The following CAMK1D variants were observed in gnomAD, a reference collection of about 807,000 sequenced individuals.
CAMK1D encodes the protein calcium/calmodulin dependent protein kinase ID.
Under a neutral mutation model 47.7 loss-of-function variants are expected in CAMK1D, and 9 were observed. The ratio of observed to expected loss-of-function variants is 0.19; its 90% CI spans 0.11 to 0.33. The LOEUF is 0.33. Among genes scored for constraint, CAMK1D ranks in the 10% least tolerant of loss-of-function variants. The pLI, the probability that CAMK1D is intolerant of heterozygous loss-of-function variation, is 1.00. For missense variants in CAMK1D, 291 were observed against 488.7 expected (o/e 0.60, Z 3.81); for synonymous variants, 184 against 184.9 (o/e 0.99, Z 0.04).
At chr10:12,368,098 A>G (rs1350354274) in intron 1 of CAMK1D, among the ~76,000 whole-genome samples, 5 of 151,910 alleles carry the variant, frequency 3.3e-5, no homozygotes, top group Non-Finnish European at 7.4e-5. Flanking sequence ...AGGCTGAGGC[A>G]GGAGAATGGC....
At chr10:12,711,353 G>A (rs978928051) in intron 3 of CAMK1D, among the ~76,000 whole-genome samples, 1 of 152,164 alleles carries the variant, frequency 6.6e-6, no homozygotes, top group Admixed American at 6.5e-5. Context: ...GCATTTAAAG[G>A]CAAAGGAAAT....
At chr10:12,730,096 G>T (rs1445628831) in intron 3 of CAMK1D, among the ~76,000 whole-genome samples, 1 of 152,176 alleles carries the variant, frequency 6.6e-6, no homozygotes, top group Non-Finnish European at 1.5e-5. Context: ...ACAGTAGGGG[G>T]CAGTGGTGAA....
At chr10:12,760,899 C>G (rs1239461357) in intron 3 of CAMK1D, 49 bp from the exon 4 acceptor site, 1 of 1,573,366 alleles carries the variant, frequency 6.4e-7, no homozygotes, top group African/African-American at 1.4e-5. Context: ...GCTTTCCCTT[C>G]ACAATTCAAC....
chr10:12,454,238 C>A (rs1057358261), intron 1 of CAMK1D, among the ~76,000 whole-genome samples: 2 of 152,244 alleles, frequency 1.3e-5, no homozygotes, highest in Non-Finnish European at 2.9e-5. Context: ...TTTCAGCTCA[C>A]TGCAACCTCC....
At chr10:12,790,902 G>A (rs1837949786) in intron 5 of CAMK1D, among the ~76,000 whole-genome samples, 1 of 151,948 alleles carries the variant, frequency 6.6e-6, no homozygotes, top group Non-Finnish European at 1.5e-5. Flanking sequence ...AGGCTGAGGT[G>A]GGAGGTTTGC....
At chr10:12,695,059 G>GATAC (rs1554811978) in intron 3 of CAMK1D, among the ~76,000 whole-genome samples, 3 of 130,452 alleles carry the variant, frequency 2.3e-5, no homozygotes, top group African/African-American at 5.4e-5. Context: ...TAGATAGATA[G>GATAC]ATAGATACAT....
chr10:12,552,650 G>A (rs577732191), intron 1 of CAMK1D, among the ~76,000 whole-genome samples: 3 of 152,288 alleles, frequency 2.0e-5, no homozygotes, highest in South Asian at 4.1e-4. Context: ...AAGTGGTACC[G>A]GGAGGTGGCC....
chr10:12,575,567 G>T (rs1837466934), intron 2 of CAMK1D, among the ~76,000 whole-genome samples: 1 of 152,166 alleles, frequency 6.6e-6, no homozygotes, highest in Admixed American at 6.5e-5. Flanking sequence ...TCCAAAGTGG[G>T]TAGACAAGAT....
Position 12,832,552 on chromosome 10 carries a change from G to A in CAMK1D, c.*3665G>A, listed in dbSNP as rs1395660965. On this transcript the variant is annotated 3_prime_UTR_variant, in exon 11 of 11. Transcript: ENST00000619168. ...AGTTCCTCCTACCCCTGCCTCTGTC[G>A]GAGACTAGAAAACATTCTACCCCTT... 2.0e-5 allele frequency: 3 copies of A among 152,120 alleles called. No homozygotes were observed. The highest frequency in any genetic ancestry group is 2.9e-5 in the Non-Finnish European group (2 of 68,042). The allele number at this position is 152,120 out of a possible 1,614,324, so 9.4% of individuals were successfully genotyped here. A position where few individuals can be genotyped will look rare whatever the true frequency, so the allele number is the denominator to read the frequency against.
At chr10:12,760,839 A>C in intron 3 of CAMK1D, 109 bp from the exon 4 acceptor site, 2 of 1,234,392 alleles carry the variant, frequency 1.6e-6, no homozygotes, top group Non-Finnish European at 1.2e-6. Context: ...TCTCAATCTG[A>C]AGATGGATTC....
chr10:12,672,286 A>T lies in CAMK1D; in HGVS notation c.299+5476A>T, dbSNP rs189084655. On this transcript the variant is annotated intron_variant, in intron 3 of 10. Transcript: ENST00000619168. ...AGTGGGGATGATGTTCATTTTTTTTAATGGCTTGTGCTTTTTGTGTCCTGT... is the reference window on the plus strand; with the variant it reads ...AGTGGGGATGATGTTCATTTTTTTTTATGGCTTGTGCTTTTTGTGTCCTGT... Among the ~76,000 whole-genome samples, 524 of 151,924 alleles carry T rather than the reference A, an allele frequency of 3.4e-3. 4 individuals carry two copies. In the Middle Eastern group the frequency reaches 0.037, roughly 11 times the overall value.
At chr10:12,350,950 C>T (rs180850120) in intron 1 of CAMK1D, among the ~76,000 whole-genome samples, 24 of 151,968 alleles carry the variant, frequency 1.6e-4, no homozygotes, top group Non-Finnish European at 2.9e-4. Flanking sequence ...GGAGCTATTT[C>T]ATGGGATAAA....
intron 4 of CAMK1D, among the ~76,000 whole-genome samples, chr10:12,768,962 A>G (rs1255315980): frequency 1.3e-5 from 2 of 152,240 alleles, no homozygotes; most frequent in Admixed American, 1.3e-4. Context: ...CACGGGGGCC[A>G]TAAGAAATGG....
At chr10:12,780,648 T>G (rs1837453656) in intron 5 of CAMK1D, among the ~76,000 whole-genome samples, 2 of 152,242 alleles carry the variant, frequency 1.3e-5, no homozygotes, top group African/African-American at 4.8e-5. Context: ...CTCCTCGATG[T>G]GGTTGCTCCC....
chr10:12,437,733 C>T (rs1439396373), intron 1 of CAMK1D, among the ~76,000 whole-genome samples: 1 of 152,146 alleles, frequency 6.6e-6, no homozygotes, highest in African/African-American at 2.4e-5. Context: ...TGGATTTGGA[C>T]AAATAGCTAA....
chr10:12,758,132 G>A (rs1054551260), intron 3 of CAMK1D, among the ~76,000 whole-genome samples: 11 of 152,042 alleles, frequency 7.2e-5, no homozygotes, highest in African/African-American at 2.2e-4. Context: ...TTACAGGCAT[G>A]AGCCACCACA....
At chr10:12,429,285 G>A (rs1840359834) in intron 1 of CAMK1D, among the ~76,000 whole-genome samples, 1 of 151,996 alleles carries the variant, frequency 6.6e-6, no homozygotes, top group Non-Finnish European at 1.5e-5. Flanking sequence ...CCTCCTCCAG[G>A]CAGTCTCCCC....
intron 5 of CAMK1D, among the ~76,000 whole-genome samples, chr10:12,773,002 T>C (rs1837111190): frequency 6.6e-6 from 1 of 152,220 alleles, no homozygotes; most frequent in Non-Finnish European, 1.5e-5. Context: ...AAGCCCAATT[T>C]AAATGTTACC....
At chr10:12,494,283 A>G (rs1188848295) in intron 1 of CAMK1D, among the ~76,000 whole-genome samples, 2 of 152,234 alleles carry the variant, frequency 1.3e-5, no homozygotes, top group Non-Finnish European at 1.5e-5. Flanking sequence ...TGGATTATCT[A>G]TGAAAAATGT....
Sources: gnomAD v4.1 joint callset for allele counts (sites outside exome capture counted in the v4.1 genomes callset) on GRCh38, gnomAD v4.1.1 for gene constraint, MANE v1.5 for transcripts, NCBI Gene and HGNC (gene_info 2026-07-23, HGNC 2026-07-21) for gene names.